CFAP58: variants seen among roughly 807,000 people sequenced by gnomAD.
CFAP58 encodes cilia and flagella associated protein 58, also known as cilia- and flagella-associated protein 58.
A neutral mutation model predicts 119.5 loss-of-function variants in CFAP58; 88 were observed. The ratio of observed to expected loss-of-function variants is 0.74; its 90% CI spans 0.62 to 0.88. CFAP58 has a LOEUF of 0.88. Among genes scored for constraint, CFAP58 ranks in the 40% least tolerant of loss-of-function variants. The pLI, the probability that CFAP58 is intolerant of heterozygous loss-of-function variation, is 0.00. For synonymous variants in CFAP58, 365 were observed against 366.3 expected, an observed-to-expected ratio of 1.00 and a Z score of 0.04; for missense variants, 990 against 1,021.2, an observed-to-expected ratio of 0.97 and a Z score of 0.42.
chr10:104,413,751 A>C (rs3069008), intron 15 of CFAP58, among the ~76,000 whole-genome samples: 1 of 140,146 alleles, frequency 7.1e-6, no homozygotes, highest in African/African-American at 2.6e-5. Flanking sequence ...ATCATCATCA[A>C]GATGGCATTT....
intron 15 of CFAP58, among the ~76,000 whole-genome samples, chr10:104,439,827 A>T (rs1183821809): frequency 6.7e-6 from 1 of 150,180 alleles, no homozygotes; most frequent in Non-Finnish European, 1.5e-5. Flanking sequence ...CTGATTTACT[A>T]TTTTTTTTTT....
chr10:104,435,854 G>A (rs1325059224), intron 15 of CFAP58, among the ~76,000 whole-genome samples: 1 of 152,138 alleles, frequency 6.6e-6, no homozygotes, highest in Admixed American at 6.5e-5. Context: ...TTTGTCAAAA[G>A]GATGCCCTGT....
rs183993646 is a variant in CFAP58 at position 104,370,706 on chromosome 10, A to G, written c.931-189A>G. Among the ~76,000 whole-genome samples, 282 of 152,338 alleles carry G rather than the reference A, an allele frequency of 1.9e-3. 1 individual carries two copies. Among genetic ancestry groups the G allele is most frequent in the African/African-American group, 6.4e-3 (265 of 41,584 alleles). ...TTATAAAAATATAAAACATAACCAC[A>G]TATTTTATTCAGTGGACAGTTTTTC... On this transcript the variant is annotated intron_variant, in intron 6 of 17. Coordinates refer to ENST00000369704, the MANE Select transcript of CFAP58 (RefSeq NM_001008723.2).
In CFAP58 at chr10:104,444,733, T is replaced by C. The variant is rs186066869; in HGVS notation, c.2257-2965T>C. On this transcript the variant is annotated intron_variant, in intron 15 of 17. Transcript: ENST00000369704. ...AGCATTGACCAAAATTCACGCACAG[T>C]GAAGCCGGGCAATACACATTCCAAC... Among the ~76,000 whole-genome samples, 88 of 152,366 alleles carry C rather than the reference T, an allele frequency of 5.8e-4. 2 individuals carry two copies. The highest frequency in any genetic ancestry group is 3.2e-4 in the Non-Finnish European group (22 of 68,034).
intron 17 of CFAP58, among the ~76,000 whole-genome samples, chr10:104,451,116 G>A (rs1368173477): frequency 1.3e-5 from 2 of 152,198 alleles, no homozygotes; most frequent in African/African-American, 2.4e-5. Flanking sequence ...GTTTGGCTGC[G>A]TGACATTGCC....
At chr10:104,342,092 T>C in the CFAP58 span, among the ~76,000 whole-genome samples, 1 of 152,220 alleles carries the variant, frequency 6.6e-6, no homozygotes, top group Non-Finnish European at 1.5e-5. Flanking sequence ...AGCTTGTATA[T>C]AGGTGGCTAT....
chr10:104,424,988 C>A (rs1297512568), intron 15 of CFAP58, among the ~76,000 whole-genome samples: 1 of 152,166 alleles, frequency 6.6e-6, no homozygotes, highest in East Asian at 1.9e-4. Flanking sequence ...CCAATGACTA[C>A]CTCTGACCTT....
intron 1 of CFAP58, among the ~76,000 whole-genome samples, chr10:104,357,347 C>G (rs2014556212): frequency 6.6e-6 from 1 of 152,106 alleles, no homozygotes; most frequent in Non-Finnish European, 1.5e-5. Flanking sequence ...TGGGGCATGA[C>G]CTAGCCTACA....
chr10:104,350,145 AGATCGTG>A (rs1178433667), upstream of CFAP58, among the ~76,000 whole-genome samples: 3 of 152,244 alleles, frequency 2.0e-5, no homozygotes, highest in African/African-American at 7.2e-5. Flanking sequence ...TCAAGGGAGA[AGATCGTG>A]TCTTCAACTC....
intron 9 of CFAP58, among the ~76,000 whole-genome samples, chr10:104,386,377 C>CAAAA (rs71482427): frequency 3.7e-5 from 5 of 133,424 alleles, no homozygotes; most frequent in African/African-American, 5.4e-5. Context: ...ACCACCATCT[C>CAAAA]AAAAAAAAAA....
At chr10:104,435,247 C>T (rs545044243) in intron 15 of CFAP58, among the ~76,000 whole-genome samples, 10 of 152,164 alleles carry the variant, frequency 6.6e-5, no homozygotes, top group South Asian at 2.1e-4. Flanking sequence ...TTTGGGAGGC[C>T]GAGGCGGGCA....
intron 4 of CFAP58, 27 bp from the exon 5 acceptor site, chr10:104,365,787 C>T: frequency 6.4e-7 from 1 of 1,574,536 alleles, no homozygotes; most frequent in African/African-American, 1.4e-5. Flanking sequence ...TCATCTCTTT[C>T]TCTCTTGTCC....
chr10:104,443,869 A>C (rs1191633767), intron 15 of CFAP58, among the ~76,000 whole-genome samples: 1 of 152,208 alleles, frequency 6.6e-6, no homozygotes, highest in Non-Finnish European at 1.5e-5. Context: ...ACTGTAATTA[A>C]TTTCTTACTA....
chr10:104,365,050 G>A (rs2014724153), intron 4 of CFAP58, among the ~76,000 whole-genome samples, 161 bp downstream of exon 4: 1 of 152,100 alleles, frequency 6.6e-6, no homozygotes, highest in South Asian at 2.1e-4. Context: ...CTCTTGAGAG[G>A]AGCTTTACTT....
chr10:104,360,803 G>C (rs537747796), intron 2 of CFAP58, among the ~76,000 whole-genome samples: 1 of 152,272 alleles, frequency 6.6e-6, no homozygotes, highest in South Asian at 2.1e-4. Flanking sequence ...TCCTTGCAAA[G>C]GACATGATCT....
chr10:104,429,438 A>G (rs1336987772), intron 15 of CFAP58, among the ~76,000 whole-genome samples: 1 of 152,168 alleles, frequency 6.6e-6, no homozygotes, highest in East Asian at 1.9e-4. Context: ...GTGGAATTTC[A>G]GGGGTAATAT....
At position 104,360,480 on chromosome 10, in the gene CFAP58, C is replaced by T. The variant is rs557425050; in HGVS notation, c.292-1543C>T. Among the ~76,000 whole-genome samples, 114 of 151,090 alleles carry T rather than the reference C, an allele frequency of 7.5e-4. 1 individual carries two copies. The South Asian group carries it at 0.011, about 15-fold the overall frequency. ...AGGGGCGGGGGGGAGGTGTCACACA[C>T]TTTTTAAAAAAAACTTTTAAGTGCA... On this transcript the variant is annotated intron_variant, in intron 2 of 17. Coordinates refer to ENST00000369704, the MANE Select transcript of CFAP58 (RefSeq NM_001008723.2).
At chr10:104,448,677 T>C (rs1431822709) in intron 16 of CFAP58, among the ~76,000 whole-genome samples, 1 of 152,234 alleles carries the variant, frequency 6.6e-6, no homozygotes, top group Admixed American at 6.5e-5. Context: ...ATTGTAAAAC[T>C]GCATCCTTTT....
chr10:104,400,535 T>C (rs1345078749), intron 12 of CFAP58, 145 bp from the exon 13 acceptor site: 9 of 660,066 alleles, frequency 1.4e-5, no homozygotes, highest in Non-Finnish European at 2.4e-5. Flanking sequence ...GTTGATTGTC[T>C]AGCCAGCTCT....
Sources: allele counts gnomAD v4.1 joint callset (sites outside exome capture counted in the v4.1 genomes callset), GRCh38; gene constraint gnomAD v4.1.1; transcripts MANE v1.5; gene names NCBI Gene and HGNC (gene_info 2026-07-23, HGNC 2026-07-21).